TPD52: variants seen among roughly 807,000 people sequenced by gnomAD.
TPD52 encodes the protein tumor protein D52, also known as prostate and colon associated protein.
Under a neutral mutation model 31.3 loss-of-function variants are expected in TPD52, and 17 were observed. The ratio of observed to expected loss-of-function variants is 0.54; its 90% CI spans 0.37 to 0.82. The LOEUF (loss-of-function observed/expected upper bound fraction) is 0.82. TPD52 is among the 40% of genes least tolerant of loss of function. TPD52 has a pLI of 0.00. For missense variants in TPD52, 212 were observed against 240.1 expected, an observed-to-expected ratio of 0.88 and a Z score of 0.77; for synonymous variants, 83 against 89.6, an observed-to-expected ratio of 0.93 and a Z score of 0.42.
chr8:80,086,301 T>C (rs113847617), intron 1 of TPD52, among the ~76,000 whole-genome samples: 3,187 of 151,504 alleles, frequency 0.021, 118 homozygotes, highest in African/African-American at 0.074. Context: ...GTATTTTTAG[T>C]AGAGACGGAG....
At chr8:80,089,330 C>A (rs1586275644) in intron 1 of TPD52, among the ~76,000 whole-genome samples, 2 of 152,096 alleles carry the variant, frequency 1.3e-5, no homozygotes, top group East Asian at 3.9e-4. Flanking sequence ...AGGACAGTGA[C>A]CGCATTAATG....
At chr8:80,142,183 T>C (rs1441797014) in intron 1 of TPD52, among the ~76,000 whole-genome samples, 3 of 152,214 alleles carry the variant, frequency 2.0e-5, no homozygotes, top group African/African-American at 7.2e-5. Flanking sequence ...TGTGTTGCAA[T>C]TAAGGCTCAT....
At chr8:80,071,071 A>G (rs1425773106) in intron 1 of TPD52, among the ~76,000 whole-genome samples, 1 of 152,188 alleles carries the variant, frequency 6.6e-6, no homozygotes, top group Admixed American at 6.5e-5. Context: ...AAGGAACACC[A>G]AGGTCTGCAA....
intron 1 of TPD52, among the ~76,000 whole-genome samples, chr8:80,100,725 A>G (rs1806667052): frequency 1.3e-5 from 2 of 152,242 alleles, no homozygotes; most frequent in Non-Finnish European, 2.9e-5. Context: ...ATTAGATTCT[A>G]GTTCAAGCCT....
chr8:80,136,106 C>A (rs1333166980), intron 1 of TPD52, among the ~76,000 whole-genome samples: 3 of 130,098 alleles, frequency 2.3e-5, no homozygotes, highest in African/African-American at 8.4e-5. Context: ...ACAATGTGCA[C>A]ATGTACCCTA....
intron 1 of TPD52, among the ~76,000 whole-genome samples, chr8:80,156,630 T>C (rs887064549): frequency 6.6e-6 from 1 of 152,124 alleles, no homozygotes; most frequent in Non-Finnish European, 1.5e-5. Flanking sequence ...TTGAAGCTAT[T>C]AAGCTGTTTA....
At position 80,048,273 on chromosome 8, in the gene TPD52, C is replaced by T. The variant is rs372055717; in HGVS notation, c.413+2172G>A. 5.3e-5 allele frequency among the ~76,000 whole-genome samples: 8 copies of T among 152,268 alleles called. No homozygotes were observed. In the East Asian group the frequency reaches 5.8e-4, roughly 11 times the overall value. On this transcript the variant is annotated intron_variant, in intron 5 of 7. Transcript: ENST00000518937. Reference sequence around the variant, plus strand: ...CTCAATCAAGGCATAAGGCAAATATCTAAATCCCAAGTGCTGATTTATCAA... The same window carrying T: ...CTCAATCAAGGCATAAGGCAAATATTTAAATCCCAAGTGCTGATTTATCAA...
intron 3 of TPD52, 92 bp downstream of exon 3, chr8:80,053,190 A>T: frequency 1.5e-6 from 2 of 1,376,642 alleles, no homozygotes; most frequent in South Asian, 1.8e-5. Flanking sequence ...CTGCTGAAGC[A>T]TCCTTATCCT....
At chr8:80,139,856 T>C (rs900899807) in intron 1 of TPD52, among the ~76,000 whole-genome samples, 1 of 152,142 alleles carries the variant, frequency 6.6e-6, no homozygotes, top group African/African-American at 2.4e-5. Context: ...GAGCCTGATG[T>C]TCGGGGGATG....
At chr8:80,086,905 A>AAAAAAAC (rs1815842028) in intron 1 of TPD52, among the ~76,000 whole-genome samples, 1 of 137,750 alleles carries the variant, frequency 7.3e-6, no homozygotes, top group Non-Finnish European at 1.6e-5. Context: ...AAAAAAAAAA[A>AAAAAAAC]AAAATCAAAT....
chr8:80,142,000 C>A (rs1330256081), intron 1 of TPD52, among the ~76,000 whole-genome samples: 1 of 150,346 alleles, frequency 6.7e-6, no homozygotes, highest in African/African-American at 2.5e-5. Flanking sequence ...AGATAATAGC[C>A]ACACCATCTT....
intron 1 of TPD52, among the ~76,000 whole-genome samples, chr8:80,103,141 G>A (rs1806866188): frequency 6.6e-6 from 1 of 152,120 alleles, no homozygotes; most frequent in Non-Finnish European, 1.5e-5. Flanking sequence ...CCACTCTCCA[G>A]CAAACTGATC....
At chr8:80,126,946 A>G (rs1808656965) in intron 1 of TPD52, among the ~76,000 whole-genome samples, 1 of 152,070 alleles carries the variant, frequency 6.6e-6, no homozygotes, top group South Asian at 2.1e-4. Context: ...TGTCTCTACA[A>G]AAAAATTTTT....
downstream of TPD52, among the ~76,000 whole-genome samples, chr8:80,033,956 C>T (rs1008251433): frequency 1.3e-5 from 2 of 152,076 alleles, no homozygotes; most frequent in Non-Finnish European, 2.9e-5. Context: ...CTGTCCCTGG[C>T]TTGAGGGTGG....
At chr8:80,047,319 C>T (rs770007010) in intron 5 of TPD52, among the ~76,000 whole-genome samples, 1 of 152,156 alleles carries the variant, frequency 6.6e-6, no homozygotes, top group Non-Finnish European at 1.5e-5. Flanking sequence ...TTCTGAGGTA[C>T]TATTGTCTCG....
At chr8:80,074,519 G>A (rs1028396180) in intron 1 of TPD52, among the ~76,000 whole-genome samples, 1 of 152,186 alleles carries the variant, frequency 6.6e-6, no homozygotes, top group Admixed American at 6.5e-5. Context: ...CACCACGGGC[G>A]TCATGCGGTG....
At chr8:80,128,716 TA>T (rs1047369028) in intron 1 of TPD52, among the ~76,000 whole-genome samples, 2 of 151,728 alleles carry the variant, frequency 1.3e-5, no homozygotes, top group Non-Finnish European at 2.9e-5. Context: ...AAAAAATTAA[TA>T]AACAGTATCA....
chr8:80,146,817 G>A (rs534307284), intron 1 of TPD52, among the ~76,000 whole-genome samples: 1 of 152,184 alleles, frequency 6.6e-6, no homozygotes, highest in Non-Finnish European at 1.5e-5. Flanking sequence ...CCATGACATG[G>A]AGCTGATGAA....
At chr8:80,104,016 G>A (rs916992146) in intron 1 of TPD52, among the ~76,000 whole-genome samples, 2 of 152,206 alleles carry the variant, frequency 1.3e-5, no homozygotes, top group Non-Finnish European at 2.9e-5. Flanking sequence ...CAAGGACCAC[G>A]TGTCCCTGAG....
Sources: gnomAD v4.1 joint callset for allele counts (sites outside exome capture counted in the v4.1 genomes callset) on GRCh38, gnomAD v4.1.1 for gene constraint, MANE v1.5 for transcripts, NCBI Gene and HGNC (gene_info 2026-07-23, HGNC 2026-07-21) for gene names.